Variants in ZNF17 observed in about 807,000 individuals in gnomAD.
The protein encoded by ZNF17 is zinc finger protein 17.
ZNF17 carries 4 observed loss-of-function variants against 7.7 expected under a neutral mutation model. The observed-to-expected ratio is 0.52, with a 90% confidence interval of 0.26 to 1.20. ZNF17 has a LOEUF of 1.20. ZNF17 is among the 50% of genes most tolerant of loss of function. The pLI is 0.14. For synonymous variants in ZNF17, 249 were observed against 258.8 expected, an observed-to-expected ratio of 0.96 and a Z score of 0.36; for missense variants, 738 against 799.5, an observed-to-expected ratio of 0.92 and a Z score of 0.93.
rs2088840423 is a variant in ZNF17 at position 57,420,306 on chromosome 19, A to G, written c.820A>G (p.Arg274Gly). ...VQHQKIHTGE[R>G]PYECSECGKA... Reference sequence around the variant, plus strand: ...ACACCAGAAAATTCACACTGGAGAAAGGCCTTATGAGTGCAGTGAATGTGG... The same window carrying G: ...ACACCAGAAAATTCACACTGGAGAAGGGCCTTATGAGTGCAGTGAATGTGG... The change falls in exon 4 of 4, where the codon AGG (arginine) becomes GGG (glycine). Residue 274 changes from arginine to glycine, a missense_variant. By Grantham distance (125) the Arg-to-Gly change is moderately radical. Transcript: ENST00000307658. 2 of 1,614,210 alleles carry G rather than the reference A, an allele frequency of 1.2e-6. No homozygotes were observed. Among genetic ancestry groups the G allele is most frequent in the African/African-American group, 1.3e-5 (1 of 75,064 alleles).
intron 2 of ZNF17, among the ~76,000 whole-genome samples, chr19:57,415,754 A>G (rs2088807554): frequency 6.6e-6 from 1 of 152,106 alleles, no homozygotes; most frequent in Non-Finnish European, 1.5e-5. Flanking sequence ...GAGTGCACAT[A>G]AAAGTTGGAT....
chr19:57,416,486 G>T (rs1007110178), intron 2 of ZNF17, among the ~76,000 whole-genome samples: 1 of 151,158 alleles, frequency 6.6e-6, no homozygotes, highest in Non-Finnish European at 1.5e-5. Flanking sequence ...AGAAAGGTAG[G>T]CCCCCATGTG....
Position 57,417,859 on chromosome 19 carries a change from AAAAG to A in ZNF17, c.22-45_22-42del, listed in dbSNP as rs1249880172. On this transcript the variant is annotated intron_variant, in intron 2 of 3. Transcript: ENST00000307658. ...AGACTCCATCTCAAAAAAAAAAAAA[AAAAG>A]AAAGAAAAAAAAAGTTGCTCACAGA... is the stretch of plus-strand genomic sequence containing the variant. 3.2e-5 allele frequency: 51 copies of A among 1,585,692 alleles called. No homozygotes were observed. In the Admixed American group the frequency reaches 3.4e-4, roughly 11 times the overall value.
intron 2 of ZNF17, among the ~76,000 whole-genome samples, chr19:57,414,423 C>G (rs1327512522): frequency 1.3e-5 from 2 of 151,178 alleles, no homozygotes. Flanking sequence ...CGACCTCTGT[C>G]TCCCAGGTTC....
At chr19:57,414,260 C>T (rs2088797054) in intron 2 of ZNF17, among the ~76,000 whole-genome samples, 1 of 151,790 alleles carries the variant, frequency 6.6e-6, no homozygotes, top group South Asian at 2.1e-4. Flanking sequence ...TTCTCAATCT[C>T]TTGACCTCGT....
Position 57,421,224 on chromosome 19 carries a change from A to G in ZNF17, c.1738A>G (p.Arg580Gly). Residue 580 changes from arginine to glycine, a missense_variant, in exon 4 of 4, where the codon AGG becomes GGG. Transcript: ENST00000307658. ...CATTCGGCACCAAAAAGTTCACACT[A>G]GGGAAAGAACTTACAAATGCAGCAA... ...HLIRHQKVHT[R>G]ERTYKCSKCG... 6.2e-7 allele frequency: 1 copy of G among 1,614,122 alleles called. No homozygotes were observed. The highest frequency in any genetic ancestry group is 2.2e-5 in the East Asian group (1 of 44,848).
At chr19:57,413,460 A>G (rs1684642559) in intron 1 of ZNF17, 136 bp from the exon 2 acceptor site, 1 of 842,826 alleles carries the variant, frequency 1.2e-6, no homozygotes, top group Non-Finnish European at 1.9e-6. Flanking sequence ...GTCCTCATCA[A>G]GACACTGAAC....
chr19:57,420,014 C>G lies in ZNF17; in HGVS notation c.528C>G (p.His176Gln). ...CTCTTCACAGTGGGTGGAAGCCACA[C>G]AGGGACACTCATGGTGTGGAGGCCT... ...QQALHSGWKP[H>Q]RDTHGVEAFQ... Residue 176 changes from histidine (H) to glutamine (Q), a missense_variant, in exon 4 of 4, where the codon CAC (histidine) becomes CAG (glutamine). His to Gln is a conservative substitution (Grantham distance 24). Around this residue, in one of 3 missense-constraint regions of ZNF17, gnomAD observed 616 missense variants for 663.9 expected, o/e 0.93. Coordinates refer to ENST00000307658, the MANE Select transcript of ZNF17 (RefSeq NM_001330617.2). 3 of 1,614,196 alleles carry G rather than the reference C, an allele frequency of 1.9e-6. No homozygotes were observed. The highest frequency in any genetic ancestry group is 4.5e-5 in the East Asian group (2 of 44,882).
At position 57,421,556 on chromosome 19, in the gene ZNF17, T is replaced by G; in HGVS notation, c.*75T>G. 6.8e-7 allele frequency: 1 copy of G among 1,480,276 alleles called. No individual in the cohort carries two copies. The highest frequency in any genetic ancestry group is 9.1e-7 in the Non-Finnish European group (1 of 1,104,402). 91.7% of individuals were successfully genotyped at this position (1,480,276 alleles called of 1,614,324 possible). The stretch of plus-strand genomic sequence containing the variant: ...TCTGATTTAGCACTGGGACCTACGT[T>G]TTAAAAAAAGTATTCTTGTAGAATA... On this transcript the variant is annotated 3_prime_UTR_variant, in exon 4 of 4. Coordinates refer to ENST00000307658, the MANE Select transcript of ZNF17 (RefSeq NM_001330617.2).
Position 57,420,957 on chromosome 19 carries a change from CAG to C in ZNF17, c.1476_1477del (p.Arg492SerfsTer9). The C allele has an allele frequency of 1.2e-6, 2 of 1,614,120 alleles. No individual in the cohort carries two copies. Among genetic ancestry groups the C allele is most frequent in the Non-Finnish European group, 1.7e-6 (2 of 1,180,016 alleles). ...GGACAGCTGTACACTGAAGAGTCAT[CAG>C]AGAGTTCACACTGGAGAAAGACCTT... ...FVDSCTLKSH[Q>X]RVHTGERPFE... On this transcript the variant is annotated frameshift_variant, in exon 4 of 4. Transcript: ENST00000307658. LOFTEE classifies it low-confidence loss of function (END_TRUNC).
At chr19:57,419,537 C>T (rs2088833248) in intron 3 of ZNF17, 98 bp from the exon 4 acceptor site, 2 of 1,331,396 alleles carry the variant, frequency 1.5e-6, no homozygotes, top group Admixed American at 2.4e-5. Context: ...GTCACCAATC[C>T]CATGGTCTTA....
chr19:57,413,625 G>C lies in ZNF17; in HGVS notation c.10G>C (p.Asp4His), dbSNP rs1365638938. 1 of 1,536,132 alleles carries C rather than the reference G, an allele frequency of 6.5e-7. No homozygotes were observed. Among genetic ancestry groups the C allele is most frequent in the Admixed American group, 2.0e-5 (1 of 51,008 alleles). MLM[D>H]AGQDYMVFED... is the part of the protein sequence containing the mutation. ...CATAGCAGTGGCAGCAATGCTTATG[G>C]ATGCTGGACAGGTGAGTGGAGAGTG... Residue 4 changes from aspartate (D) to histidine (H), a missense_variant, in exon 2 of 4, where the codon GAT (aspartate) becomes CAT (histidine). Transcript: ENST00000307658.
rs746318937 is a variant in ZNF17, at chr19:57,419,931, C to T, written c.445C>T (p.Leu149Phe). 4.3e-6 allele frequency: 7 copies of T among 1,614,068 alleles called. No homozygotes were observed. Among genetic ancestry groups the T allele is most frequent in the Non-Finnish European group, 3.4e-6 (4 of 1,180,034 alleles). ...CAGTGTTCACCTGGCAAAGAGGAAC[C>T]TCACATGCATGCAGGGTGGCAAGGA... ...NDSVHLAKRN[L>F]TCMQGGKDFT... Residue 149 changes from leucine to phenylalanine, a missense_variant, in exon 4 of 4, where the codon CTC (leucine) becomes TTC (phenylalanine). By Grantham distance (22) the Leu-to-Phe change is conservative. Around this residue, in one of 3 missense-constraint regions of ZNF17, gnomAD observed 616 missense variants for 663.9 expected, o/e 0.93. Transcript: ENST00000307658.
intron 1 of ZNF17, among the ~76,000 whole-genome samples, chr19:57,412,504 G>A (rs373340865): frequency 6.6e-6 from 1 of 151,274 alleles, no homozygotes; most frequent in East Asian, 1.9e-4. Context: ...GAGTGCAGTG[G>A]CGCGATCTCG....
chr19:57,416,922 C>T (rs1257252032), intron 2 of ZNF17, among the ~76,000 whole-genome samples: 2 of 152,058 alleles, frequency 1.3e-5, no homozygotes, highest in Non-Finnish European at 2.9e-5. Flanking sequence ...GCCATGAAGA[C>T]CTAGTGTCTC....
intron 3 of ZNF17, 166 bp from the exon 4 acceptor site, chr19:57,419,469 G>A (rs1230562355): frequency 5.9e-6 from 4 of 681,886 alleles, no homozygotes; most frequent in Non-Finnish European, 9.7e-6. Flanking sequence ...ATGGGTTTCT[G>A]TCAGTCCCGG....
chr19:57,411,667 G>C lies in ZNF17; in HGVS notation c.-21+261G>C, dbSNP rs1309350684. The C allele has an allele frequency of 1.3e-5, 17 of 1,335,668 alleles. 1 individual carries two copies. The South Asian group carries it at 3.2e-4, about 25-fold the overall frequency. 82.7% of individuals were successfully genotyped at this position (1,335,668 alleles called of 1,614,324 possible). A position where few individuals can be genotyped will look rare whatever the true frequency, so the allele number is the denominator to read the frequency against. On this transcript the variant is annotated intron_variant, in intron 1 of 3. Transcript: ENST00000307658. ...GGAGCTGAGGGTGAGGCGGAGTCTC[G>C]CCTGGGAGGGCAGCGGAGCTGCTGA...
In ZNF17 at chr19:57,421,080, G is replaced by A; in HGVS notation, c.1594G>A (p.Glu532Lys). 2 of 1,614,146 alleles carry A rather than the reference G, an allele frequency of 1.2e-6. No individual in the cohort carries two copies. Among genetic ancestry groups the A allele is most frequent in the Non-Finnish European group, 1.7e-6 (2 of 1,179,976 alleles). The part of the protein sequence containing the change: ...HTGERPYECS[E>K]CGKFFRHNSN... The stretch of plus-strand genomic sequence containing the variant: ...TGGTGAAAGGCCTTATGAGTGTAGT[G>A]AATGTGGGAAATTCTTTAGGCACAA... Residue 532 changes from glutamate (E) to lysine (K), a missense_variant, in exon 4 of 4, where the codon GAA becomes AAA. Around this residue, in one of 3 missense-constraint regions of ZNF17, gnomAD observed 616 missense variants for 663.9 expected, o/e 0.93. Transcript: ENST00000307658.
intron 1 of ZNF17, among the ~76,000 whole-genome samples, chr19:57,412,045 T>C (rs956524113): frequency 4.9e-5 from 7 of 143,444 alleles, no homozygotes; most frequent in Admixed American, 1.4e-4. Flanking sequence ...GGCTGAGTTT[T>C]GGAGGGCAGA....
Sources: allele counts gnomAD v4.1 joint callset (sites outside exome capture counted in the v4.1 genomes callset), GRCh38; gene constraint gnomAD v4.1.1; regional missense constraint gnomAD v4.1.1; transcripts MANE v1.5; gene names NCBI Gene and HGNC (gene_info 2026-07-23, HGNC 2026-07-21).